Variants in ASTN1 observed in about 807,000 individuals in gnomAD.
ASTN1 encodes the protein astrotactin-1.
Under a neutral mutation model 140.7 loss-of-function variants are expected in ASTN1, and 41 were observed. That is an observed-to-expected ratio of 0.29 (90% CI 0.23 to 0.38). ASTN1 has a LOEUF of 0.38. ASTN1 is among the 10% of genes least tolerant of loss of function. ASTN1 has a pLI of 1.00. For synonymous variants in ASTN1, 640 were observed against 652.2 expected, an observed-to-expected ratio of 0.98 and a Z score of 0.29; for missense variants, 1,479 against 1,678.8, an observed-to-expected ratio of 0.88 and a Z score of 2.08.
intron 8 of ASTN1, among the ~76,000 whole-genome samples, chr1:176,991,557 C>T (rs1045204007): frequency 6.7e-6 from 1 of 150,248 alleles, no homozygotes; most frequent in Non-Finnish European, 1.5e-5. Context: ...TGATGTAGAA[C>T]CAGGAGCCAG....
Position 176,861,085 on chromosome 1 carries a change from T to C in ASTN1, c.*3199A>G, listed in dbSNP as rs1667944506. 4.2e-6 allele frequency: 4 copies of C among 955,248 alleles called. No individual in the cohort carries two copies. Among genetic ancestry groups the C allele is most frequent in the Non-Finnish European group, 3.7e-6 (3 of 802,444 alleles). 59.2% of individuals were successfully genotyped at this position (955,248 alleles called of 1,614,324 possible). A position where few individuals can be genotyped will look rare whatever the true frequency, so the allele number is the denominator to read the frequency against. On this transcript the variant is annotated 3_prime_UTR_variant, in exon 23 of 23. Coordinates refer to ENST00000361833, the MANE Select transcript of ASTN1 (RefSeq NM_004319.3). ...TACCCAATGCTTACTAATAGCTTTG[T>C]TTTATTATTCAGTTAATTATTTCAT...
At chr1:176,865,424 A>G (rs1164495077) in intron 22 of ASTN1, among the ~76,000 whole-genome samples, 2 of 152,224 alleles carry the variant, frequency 1.3e-5, no homozygotes, top group East Asian at 1.9e-4. Flanking sequence ...ATAGATAAAG[A>G]AAGTGTAGAG....
In ASTN1 at chr1:176,894,770, G is replaced by A. The variant is rs1344289242; in HGVS notation, c.2732C>T (p.Pro911Leu). 6.2e-7 allele frequency: 1 copy of A among 1,614,150 alleles called. No homozygotes were observed. The change falls in exon 17 of 23, where the codon CCA (proline) becomes CTA (leucine). Residue 911 changes from proline to leucine, a missense_variant. Pro to Leu is a moderately conservative substitution (Grantham distance 98, BLOSUM62 -3). This residue lies in a region of ASTN1 where 746 missense variants were observed against 800.9 expected (regional missense o/e 0.93). Transcript: ENST00000361833. Reference sequence around the variant, plus strand: ...GTCTGACAAGCTGGTGATGTATTCTGGGAATGTCAGCACCTTGGGGTCTCT... The same window carrying A: ...GTCTGACAAGCTGGTGATGTATTCTAGGAATGTCAGCACCTTGGGGTCTCT... ...RERDPKVLTF[P>L]EYITSLSDSG...
At chr1:177,155,539 A>T (rs1683201029) in intron 1 of ASTN1, among the ~76,000 whole-genome samples, 1 of 152,174 alleles carries the variant, frequency 6.6e-6, no homozygotes, top group Non-Finnish European at 1.5e-5. Context: ...GTACAGAAAA[A>T]CTGCCCTACA....
At chr1:176,991,436 C>CAAAAAAAAAAAAAAAAAAAAAAAAAAAAA (rs1173420812) in intron 8 of ASTN1, among the ~76,000 whole-genome samples, 11 of 13,816 alleles carry the variant, frequency 8.0e-4, no homozygotes, top group Non-Finnish European at 1.1e-3. Flanking sequence ...AAAAAAAAAC[C>CAAAAAAAAAAAAAAAAAAAAAAAAAAAAA]AAAAAAAAAA....
chr1:177,014,250 G>A (rs986959706), intron 8 of ASTN1, among the ~76,000 whole-genome samples: 2 of 152,172 alleles, frequency 1.3e-5, no homozygotes, highest in Non-Finnish European at 2.9e-5. Context: ...TGTCCCACTC[G>A]TGTGTGTCTA....
Position 176,894,689 on chromosome 1 carries a change from C to T in ASTN1, c.2813G>A (p.Arg938Gln), listed in dbSNP as rs377472669. The change falls in exon 17 of 23, where the codon CGA (arginine) becomes CAA (glutamine). Residue 938 changes from arginine to glutamine, a missense_variant. Physicochemically the swap from Arg to Gln is conservative, Grantham distance 43 (BLOSUM62 1). Transcript: ENST00000361833. Reference protein sequence around the residue: ...GVRMECHSKGRCPSSCPLCHV... With the variant: ...GVRMECHSKGQCPSSCPLCHV... ...ACACAGGGGGCAGGACGAGGGGCAT[C>T]GTCCCTTGCTGTGGCACTCCATGCG... The T allele has an allele frequency of 9.9e-6, 16 of 1,613,992 alleles. No homozygotes were observed. The highest frequency in any genetic ancestry group is 3.3e-5 in the Admixed American group (2 of 60,010).
chr1:177,157,653 A>G (rs1441029871), intron 1 of ASTN1, among the ~76,000 whole-genome samples: 1 of 151,994 alleles, frequency 6.6e-6, no homozygotes, highest in Non-Finnish European at 1.5e-5. Flanking sequence ...TTTTTTTTTA[A>G]AAAAAAGGAA....
At chr1:176,978,878 C>T (rs992105581) in intron 8 of ASTN1, among the ~76,000 whole-genome samples, 1 of 152,120 alleles carries the variant, frequency 6.6e-6, no homozygotes, top group African/African-American at 2.4e-5. Context: ...CACTGAGGCT[C>T]AGAGAGGCTG....
At chr1:177,072,958 A>G (rs1344841362) in intron 1 of ASTN1, among the ~76,000 whole-genome samples, 4 of 152,214 alleles carry the variant, frequency 2.6e-5, no homozygotes, top group African/African-American at 9.6e-5. Flanking sequence ...TGAAAAAAAA[A>G]AGTGCTGGGT....
chr1:176,941,545 C>T (rs181109736), intron 14 of ASTN1, among the ~76,000 whole-genome samples: 1 of 152,262 alleles, frequency 6.6e-6, no homozygotes, highest in Non-Finnish European at 1.5e-5. Flanking sequence ...ATGGCATGTG[C>T]AGGAAGTACT....
At chr1:176,936,196 G>A (rs776716234) in intron 15 of ASTN1, 70 bp downstream of exon 15, 1 of 1,395,934 alleles carries the variant, frequency 7.2e-7, no homozygotes, top group Non-Finnish European at 1.0e-6. Context: ...TGGGACCAAA[G>A]GCTTCTCCCC....
At position 176,934,080 on chromosome 1, in the gene ASTN1, G is replaced by T. The variant is rs1368807030; in HGVS notation, c.2671+72C>A. The T allele has an allele frequency of 2.8e-6, 4 of 1,440,308 alleles. No individual in the cohort carries two copies. The South Asian group carries it at 4.2e-5, about 15-fold the overall frequency. The allele number at this position is 1,440,308 out of a possible 1,614,324, so 89.2% of individuals were successfully genotyped here. A position where few individuals can be genotyped will look rare whatever the true frequency, so the allele number is the denominator to read the frequency against. On this transcript the variant is annotated intron_variant, in intron 16 of 22. Coordinates refer to ENST00000361833, the MANE Select transcript of ASTN1 (RefSeq NM_004319.3). ...CGTTACTACAGACTCCTTAAAATGG[G>T]TCTTATAGATTGTATGCAGGTAGCC...
At chr1:177,087,590 T>C (rs765199617) in intron 1 of ASTN1, among the ~76,000 whole-genome samples, 2 of 152,166 alleles carry the variant, frequency 1.3e-5, no homozygotes, top group Non-Finnish European at 2.9e-5. Context: ...CTGCCTAGGT[T>C]TACAAGAAAT....
chr1:177,032,857 G>T lies in ASTN1; in HGVS notation c.472-8C>A. 1.9e-6 allele frequency: 3 copies of T among 1,585,780 alleles called. No individual in the cohort carries two copies. Among genetic ancestry groups the T allele is most frequent in the Non-Finnish European group, 2.6e-6 (3 of 1,165,410 alleles). ...CAGAGCGATCATGCCACCCTAGGAA[G>T]AGAGGACCACAGATGGATGTGGGAA... On this transcript the variant is annotated splice_polypyrimidine_tract_variant and splice_region_variant and intron_variant, in intron 2 of 22. Coordinates refer to ENST00000361833, the MANE Select transcript of ASTN1 (RefSeq NM_004319.3).
chr1:176,871,031 G>A (rs192208655), intron 21 of ASTN1, among the ~76,000 whole-genome samples: 79 of 152,244 alleles, frequency 5.2e-4, no homozygotes, highest in Admixed American at 3.2e-3. Context: ...ACTATCTGCC[G>A]TTGCTATTGT....
At chr1:177,105,027 G>C (rs1571789744) in intron 1 of ASTN1, among the ~76,000 whole-genome samples, 1 of 152,108 alleles carries the variant, frequency 6.6e-6, no homozygotes, top group East Asian at 1.9e-4. Flanking sequence ...ACAGCGTGGA[G>C]ACTCACTGCC....
intron 6 of ASTN1, among the ~76,000 whole-genome samples, chr1:177,024,053 C>T (rs986133745): frequency 1.4e-4 from 22 of 152,228 alleles, no homozygotes; most frequent in African/African-American, 5.3e-4. Context: ...CAATTAGGTG[C>T]TCTGGGCTTA....
In ASTN1 at chr1:176,943,930, C is replaced by T. The variant is rs751328825; in HGVS notation, c.2338G>A (p.Glu780Lys). Reference sequence around the variant, plus strand: ...GGGTCAGGGGTGGGCTCCGAGATCTCCTCTAGGCATTGATTCTCCAGGGGC... The same window carrying T: ...GGGTCAGGGGTGGGCTCCGAGATCTTCTCTAGGCATTGATTCTCCAGGGGC... ...TVPLENQCLE[E>K]ISEPTPDPDF... Residue 780 changes from glutamate (E) to lysine (K), a missense_variant, in exon 14 of 23, where the codon GAG becomes AAG. Coordinates refer to ENST00000361833, the MANE Select transcript of ASTN1 (RefSeq NM_004319.3). 1.9e-6 allele frequency: 3 copies of T among 1,613,728 alleles called. No homozygotes were observed. The highest frequency in any genetic ancestry group is 2.5e-6 in the Non-Finnish European group (3 of 1,179,892).
Sources: allele counts gnomAD v4.1 joint callset (sites outside exome capture counted in the v4.1 genomes callset), GRCh38; gene constraint gnomAD v4.1.1; regional missense constraint gnomAD v4.1.1; transcripts MANE v1.5; gene names NCBI Gene and HGNC (gene_info 2026-07-23, HGNC 2026-07-21).